COG3: variants seen among roughly 807,000 people sequenced by gnomAD.
COG3 encodes the protein component of oligomeric golgi complex 3.
Under a neutral mutation model 114.1 loss-of-function variants are expected in COG3, and 32 were observed. The ratio of observed to expected loss-of-function variants is 0.28; its 90% confidence interval spans 0.21 to 0.38. The LOEUF is 0.38. Ranked by LOEUF, COG3 falls within the 10% of genes least tolerant of loss-of-function variation. The probability of loss-of-function intolerance (pLI) is 1.00; values close to 1 mark genes in which losing one functional copy is unlikely to be tolerated. For synonymous variants in COG3, 352 were observed against 365.7 expected (o/e 0.96, Z 0.43); for missense variants, 813 against 973.2 (o/e 0.84, Z 2.19).
Position 45,530,809 on chromosome 13 carries a change from C to G in COG3, c.2457+29C>G, listed in dbSNP as rs532613698. 22 of 1,598,712 alleles carry G rather than the reference C, an allele frequency of 1.4e-5. No homozygotes were observed. In the South Asian group the frequency reaches 2.2e-4, roughly 16 times the overall value. On this transcript the variant is annotated intron_variant, in intron 22 of 22. Transcript: ENST00000349995. ...ATGGGTAGACTGAAGATCCTTATTA[C>G]TTTTATGCCCTCTTGGTTATTTCAC...
At chr13:45,465,297 C>A in intron 1 of COG3, 87 bp downstream of exon 1, 1 of 1,524,016 alleles carries the variant, frequency 6.6e-7, no homozygotes, top group South Asian at 1.3e-5. Context: ...TCACTAGCCT[C>A]TGCCCAGGAT....
chr13:45,506,631 A>C (rs1252945081), intron 14 of COG3, among the ~76,000 whole-genome samples: 1 of 152,218 alleles, frequency 6.6e-6, no homozygotes, highest in African/African-American at 2.4e-5. Flanking sequence ...AAGGATGAAC[A>C]GCTCGTCATC....
At chr13:45,483,917 C>A (rs555597282) in intron 7 of COG3, among the ~76,000 whole-genome samples, 1 of 152,162 alleles carries the variant, frequency 6.6e-6, no homozygotes, top group Admixed American at 6.5e-5. Context: ...TCCCTGCCCT[C>A]ATGGAGCTTA....
chr13:45,513,250 T>G (rs186287364), intron 16 of COG3, among the ~76,000 whole-genome samples: 1,052 of 56,808 alleles, frequency 0.019, 22 homozygotes, highest in African/African-American at 0.066. Context: ...AAATTATACA[T>G]ATAATATATA....
intron 8 of COG3, among the ~76,000 whole-genome samples, chr13:45,490,167 C>T (rs1170276738): frequency 6.6e-6 from 1 of 152,086 alleles, no homozygotes. Flanking sequence ...AAGGTCAGTG[C>T]TTCTGAGGAT....
chr13:45,504,604 G>A (rs1208060558), intron 14 of COG3, among the ~76,000 whole-genome samples: 1 of 152,178 alleles, frequency 6.6e-6, no homozygotes, highest in Non-Finnish European at 1.5e-5. Context: ...TTGAACCAGG[G>A]TGGTGTTGGG....
intron 12 of COG3, 30 bp from the exon 13 acceptor site, chr13:45,496,096 TAAAAGAAAGTGTTTTTCTAAATCTAA>T: frequency 6.5e-7 from 1 of 1,534,434 alleles, no homozygotes. Context: ...TTTGCTTGTT[TAAAAGAAAGTGTTTTTCTAAATCTAA>T]AAGAATGGAT....
intron 1 of COG3, 80 bp downstream of exon 1, chr13:45,465,290 C>G: frequency 6.5e-7 from 1 of 1,540,204 alleles, no homozygotes; most frequent in Admixed American, 2.0e-5. Flanking sequence ...CCCGGCCTCA[C>G]TAGCCTCTGC....
rs1194545625 is a variant in COG3 at position 45,503,734 on chromosome 13, G to A, written c.1594+385G>A. Among the ~76,000 whole-genome samples, 3 of 152,100 alleles carry A rather than the reference G, an allele frequency of 2.0e-5. No individual in the cohort carries two copies. In the East Asian group the frequency reaches 5.8e-4, roughly 29 times the overall value. The stretch of plus-strand genomic sequence containing the variant: ...AAGGCATGCAGGAATGGAAAACCAT[G>A]GCTATTTTGCATAATTCAAGTGGTT... On this transcript the variant is annotated intron_variant, in intron 14 of 22. Transcript: ENST00000349995.
intron 13 of COG3, among the ~76,000 whole-genome samples, chr13:45,497,436 C>A (rs1868935141): frequency 6.6e-6 from 1 of 152,110 alleles, no homozygotes; most frequent in African/African-American, 2.4e-5. Context: ...TTTTTGTACT[C>A]CCTTTCACCC....
rs1886161546 is a variant in COG3, at chr13:45,480,160, A to G, written c.419A>G (p.Gln140Arg). 1 of 1,612,674 alleles carries G rather than the reference A, an allele frequency of 6.2e-7. No individual in the cohort carries two copies. Among genetic ancestry groups the G allele is most frequent in the African/African-American group, 1.3e-5 (1 of 74,986 alleles). The change falls in exon 4 of 23, where the codon CAG becomes CGG. Residue 140 changes from glutamine (Q) to arginine (R), a missense_variant. Physicochemically the swap from Gln to Arg is conservative, Grantham distance 43. Coordinates refer to ENST00000349995, the MANE Select transcript of COG3 (RefSeq NM_031431.4). Reference protein sequence around the residue: ...MRDYLSGFQEQCDAILNDVNS... With the variant: ...MRDYLSGFQERCDAILNDVNS... ...GATTACTTGTCTGGGTTTCAGGAGC[A>G]GTGTGATGCTATATTGAATGATGTA... is the stretch of plus-strand genomic sequence containing the variant.
chr13:45,503,610 G>A (rs1404982149), intron 14 of COG3, among the ~76,000 whole-genome samples: 1 of 152,198 alleles, frequency 6.6e-6, no homozygotes, highest in Admixed American at 6.5e-5. Flanking sequence ...GGTGGGCTCA[G>A]TGTGGGGTGT....
intron 1 of COG3, among the ~76,000 whole-genome samples, chr13:45,475,251 T>G (rs1885786427): frequency 6.6e-6 from 1 of 152,114 alleles, no homozygotes; most frequent in Admixed American, 6.5e-5. Context: ...TCACCCTGGG[T>G]GGGTGGCACG....
chr13:45,482,409 A>G lies in COG3; in HGVS notation c.653A>G (p.Asn218Ser), dbSNP rs768734030. The change falls in exon 6 of 23, where the codon AAT (asparagine) becomes AGT (serine). Residue 218 changes from asparagine to serine, a missense_variant. Coordinates refer to ENST00000349995, the MANE Select transcript of COG3 (RefSeq NM_031431.4). ...TKLNSPTLSV[N>S]SDGFIPMLAK... ...TTGAATTCCCCTACATTGTCGGTGA[A>G]TAGTGACGGATTTATACCTATGCTG... is the stretch of plus-strand genomic sequence containing the variant. 6.4e-7 allele frequency: 1 copy of G among 1,565,798 alleles called. No individual in the cohort carries two copies. The highest frequency in any genetic ancestry group is 1.1e-5 in the South Asian group (1 of 88,564).
intron 19 of COG3, 71 bp downstream of exon 19, chr13:45,519,165 C>G: frequency 6.6e-7 from 1 of 1,513,990 alleles, no homozygotes; most frequent in Non-Finnish European, 9.1e-7. Context: ...GAATTACTCT[C>G]TTGTGTAAAC....
At chr13:45,479,183 A>G in intron 3 of COG3, 117 bp downstream of exon 3, 1 of 710,870 alleles carries the variant, frequency 1.4e-6, no homozygotes, top group Non-Finnish European at 2.4e-6. Flanking sequence ...TGTAACAGCC[A>G]TATATTCTTT....
intron 20 of COG3, among the ~76,000 whole-genome samples, chr13:45,525,396 A>T (rs1275448231): frequency 6.6e-6 from 1 of 152,156 alleles, no homozygotes; most frequent in African/African-American, 2.4e-5. Context: ...GGAAGAAATT[A>T]TGGCGAGTGT....
At chr13:45,474,006 T>C (rs1351284649) in intron 1 of COG3, among the ~76,000 whole-genome samples, 3 of 152,208 alleles carry the variant, frequency 2.0e-5, no homozygotes, top group Non-Finnish European at 4.4e-5. Flanking sequence ...AAGAACTGTT[T>C]ACCTACACCT....
chr13:45,506,666 A>G (rs1245323604), intron 14 of COG3, among the ~76,000 whole-genome samples: 1 of 152,196 alleles, frequency 6.6e-6, no homozygotes, highest in Non-Finnish European at 1.5e-5. Context: ...TGTTATCACA[A>G]TGGCGATAGA....
Sources: gnomAD v4.1 joint callset for allele counts (sites outside exome capture counted in the v4.1 genomes callset) on GRCh38, gnomAD v4.1.1 for gene constraint, MANE v1.5 for transcripts, NCBI Gene and HGNC (gene_info 2026-07-23, HGNC 2026-07-21) for gene names.